The following RP1 variants were observed in gnomAD, a reference collection of about 807,000 sequenced individuals.
RP1 encodes oxygen-regulated protein 1.
In RP1, 16 loss-of-function variants were observed where a neutral mutation model predicts 14.8. The ratio of observed to expected loss-of-function variants is 1.08; its 90% CI spans 0.73 to 1.65. The LOEUF (loss-of-function observed/expected upper bound fraction) is 1.65. Ranked by LOEUF, RP1 falls within the 40% of genes most tolerant of loss-of-function variation. The pLI is 0.00. For synonymous variants in RP1, 876 were observed against 883.6 expected (o/e 0.99, Z 0.15); for missense variants, 2,631 against 2,535.0 (o/e 1.04, Z -0.81).
At chr8:54,778,645 G>A (rs1027119608) in intron 23 of RP1, among the ~76,000 whole-genome samples, 7 of 152,108 alleles carry the variant, frequency 4.6e-5, no homozygotes, top group African/African-American at 1.7e-4. Flanking sequence ...CTTAAGAGAA[G>A]GTGACCTTTG....
At chr8:54,656,571 T>A (rs980103655) in intron 6 of RP1, among the ~76,000 whole-genome samples, 1 of 151,974 alleles carries the variant, frequency 6.6e-6, no homozygotes. Flanking sequence ...CTCTGCCTCA[T>A]TTTTGAAAAT....
intron 19 of RP1, among the ~76,000 whole-genome samples, chr8:54,750,953 G>A (rs752464661): frequency 9.2e-5 from 14 of 152,314 alleles, no homozygotes; most frequent in Admixed American, 2.0e-4. Flanking sequence ...GCCAGCCAGC[G>A]GTGGCAACCT....
intron 1 of RP1, among the ~76,000 whole-genome samples, chr8:54,588,787 A>G (rs1488140189): frequency 1.3e-5 from 2 of 152,184 alleles, no homozygotes; most frequent in African/African-American, 4.8e-5. Context: ...TTGTTCAGAT[A>G]CTGTATCCTC....
chr8:54,831,239 C>T (rs890180088), intron 24 of RP1, among the ~76,000 whole-genome samples: 1 of 151,924 alleles, frequency 6.6e-6, no homozygotes, highest in Non-Finnish European at 1.5e-5. Context: ...AATGTTGGGT[C>T]ATATGGTAAT....
At chr8:54,699,242 A>C (rs1807954389) in intron 12 of RP1, among the ~76,000 whole-genome samples, 1 of 151,972 alleles carries the variant, frequency 6.6e-6, no homozygotes, top group African/African-American at 2.4e-5. Context: ...AGGAATCACC[A>C]GTTTTTAAAA....
At chr8:54,583,448 G>C (rs1804845578) in intron 1 of RP1, among the ~76,000 whole-genome samples, 1 of 152,120 alleles carries the variant, frequency 6.6e-6, no homozygotes. Context: ...CAGGAATATT[G>C]GTCCAAAATT....
chr8:54,842,877 C>G (rs1012344450), intron 25 of RP1, among the ~76,000 whole-genome samples: 1 of 152,152 alleles, frequency 6.6e-6, no homozygotes, highest in African/African-American at 2.4e-5. Flanking sequence ...CTTTCTGTCC[C>G]GTCTTCTACC....
chr8:54,727,018 C>T (rs1157629005), intron 17 of RP1, among the ~76,000 whole-genome samples: 2 of 152,024 alleles, frequency 1.3e-5, no homozygotes, highest in African/African-American at 2.4e-5. Flanking sequence ...AGAATCTAGT[C>T]ATCTTTGGAT....
At chr8:54,764,265 C>T (rs975604890) in intron 22 of RP1, among the ~76,000 whole-genome samples, 5 of 152,256 alleles carry the variant, frequency 3.3e-5, no homozygotes, top group African/African-American at 1.2e-4. Flanking sequence ...ACACAGCAGG[C>T]CTACAGCTCA....
At chr8:54,783,465 G>A (rs577318714) in intron 23 of RP1, 2 of 645,270 alleles carry the variant, frequency 3.1e-6, no homozygotes, top group East Asian at 6.9e-5. Context: ...TAACCAAGTA[G>A]ATTAAGTAGA....
At chr8:54,858,208 C>G (rs1812250132) in intron 27 of RP1, among the ~76,000 whole-genome samples, 1 of 152,010 alleles carries the variant, frequency 6.6e-6, no homozygotes, top group Admixed American at 6.6e-5. Context: ...GGAGCAGAAG[C>G]AGAAAAGGTG....
Position 54,711,063 on chromosome 8 carries a change from G to A in RP1, c.2211+4408G>A, listed in dbSNP as rs147726073. On this transcript the variant is annotated intron_variant, in intron 15 of 22. Transcript: ENST00000636932. ...GTCAATATTACAGTATTTAAAAAATGTATCTGGCTCTACCAATGTGTATCA... is the reference window on the plus strand; with the variant it reads ...GTCAATATTACAGTATTTAAAAAATATATCTGGCTCTACCAATGTGTATCA... 3.7e-4 allele frequency among the ~76,000 whole-genome samples: 56 copies of A among 152,272 alleles called. 2 individuals are homozygous for A. The East Asian group carries it at 0.011, about 29-fold the overall frequency.
chr8:54,734,578 T>C (rs1280836185), exon 18 of RP1: 10 of 1,535,530 alleles, frequency 6.5e-6, no homozygotes, highest in Non-Finnish European at 8.7e-6. Context: ...AGTGAGACTC[T>C]TCTGTCAGAA....
downstream of RP1, among the ~76,000 whole-genome samples, chr8:54,771,487 G>A (rs1809906085): frequency 6.6e-6 from 1 of 152,038 alleles, no homozygotes. Flanking sequence ...TACAGGGAAG[G>A]TGTTGACCTA....
intron 21 of RP1, among the ~76,000 whole-genome samples, chr8:54,756,919 G>C (rs34618937): frequency 6.6e-6 from 1 of 152,192 alleles, no homozygotes; most frequent in African/African-American, 2.4e-5. Context: ...CCAGACAGTA[G>C]GGAGGGTGTA....
At chr8:54,743,969 G>A (rs1289232367) in intron 19 of RP1, among the ~76,000 whole-genome samples, 1 of 152,076 alleles carries the variant, frequency 6.6e-6, no homozygotes, top group Non-Finnish European at 1.5e-5. Flanking sequence ...TGGAAACACT[G>A]AGTTTTTCAT....
intron 19 of RP1, among the ~76,000 whole-genome samples, chr8:54,749,048 C>T (rs1809296724): frequency 6.6e-6 from 1 of 152,046 alleles, no homozygotes; most frequent in Non-Finnish European, 1.5e-5. Context: ...ATTTCTCCTC[C>T]AAGAAAAGAT....
intron 7 of RP1, among the ~76,000 whole-genome samples, chr8:54,668,130 C>T (rs996222606): frequency 2.0e-5 from 3 of 152,150 alleles, no homozygotes; most frequent in African/African-American, 7.2e-5. Context: ...CATCAAAAAG[C>T]TTATCCATTG....
At chr8:54,853,790 AAGAG>A (rs1262081187) in intron 26 of RP1, among the ~76,000 whole-genome samples, 35 of 127,186 alleles carry the variant, frequency 2.8e-4, no homozygotes, top group Non-Finnish European at 5.4e-4. Flanking sequence ...AAGAGAAAGA[AAGAG>A]AGAGAGAAAG....
Sources: gnomAD v4.1 joint callset for allele counts (sites outside exome capture counted in the v4.1 genomes callset) on GRCh38, gnomAD v4.1.1 for gene constraint, MANE v1.5 for transcripts, NCBI Gene and HGNC (gene_info 2026-07-23, HGNC 2026-07-21) for gene names.